Variants in NTM observed in about 807,000 individuals in gnomAD.
NTM encodes the protein IgLON family member 2.
NTM carries 13 observed loss-of-function variants against 42.1 expected under a neutral mutation model. The observed-to-expected ratio is 0.31, with a 90% CI of 0.20 to 0.49. NTM has a LOEUF of 0.49. Among genes scored for constraint, NTM ranks in the 20% least tolerant of loss-of-function variants. The probability of loss-of-function intolerance (pLI) is 0.99; values close to 1 mark genes in which losing one functional copy is unlikely to be tolerated. For synonymous variants in NTM, 187 were observed against 179.2 expected (o/e 1.04, Z -0.35); for missense variants, 373 against 452.8 (o/e 0.82, Z 1.60).
At chr11:131,775,728 T>C (rs1265824133) in intron 1 of NTM, among the ~76,000 whole-genome samples, 1 of 152,192 alleles carries the variant, frequency 6.6e-6, no homozygotes, top group African/African-American at 2.4e-5. Context: ...TGTATATACT[T>C]GGTATATTTA....
chr11:131,752,720 C>T lies in NTM; in HGVS notation c.83-158844C>T, dbSNP rs1458815155. ...AAGCTGAAACTGGATCCCTTCCTTA[C>T]ACCTTATACAAAAATTAATTCAAGA... is the stretch of plus-strand genomic sequence containing the variant. On this transcript the variant is annotated intron_variant, in intron 1 of 8. Coordinates refer to ENST00000683400, the MANE Select transcript of NTM (RefSeq NM_001352005.2). Among the ~76,000 whole-genome samples, 3 of 152,106 alleles carry T rather than the reference C, an allele frequency of 2.0e-5. No homozygotes were observed. In the East Asian group the frequency reaches 5.8e-4, roughly 29 times the overall value.
chr11:132,275,726 G>GTATATATATATGTA (rs1438604193), intron 4 of NTM, among the ~76,000 whole-genome samples: 10,173 of 71,358 alleles, frequency 0.14, 677 homozygotes, highest in Non-Finnish European at 0.19. Flanking sequence ...ATATATATAC[G>GTATATATATATGTA]TATATATACG....
intron 1 of NTM, among the ~76,000 whole-genome samples, chr11:131,426,963 G>A (rs918768427): frequency 5.3e-5 from 8 of 151,976 alleles, no homozygotes; most frequent in Non-Finnish European, 7.4e-5. Flanking sequence ...CCCCAAGTTG[G>A]TCTTTACCCC....
intron 1 of NTM, among the ~76,000 whole-genome samples, chr11:131,670,677 C>T (rs989076644): frequency 2.0e-5 from 3 of 152,186 alleles, no homozygotes; most frequent in African/African-American, 4.8e-5. Flanking sequence ...AGGGCTAGGA[C>T]TACTGTGTCC....
At chr11:131,487,885 T>C (rs1384958907) in intron 1 of NTM, among the ~76,000 whole-genome samples, 1 of 152,208 alleles carries the variant, frequency 6.6e-6, no homozygotes, top group Non-Finnish European at 1.5e-5. Flanking sequence ...AGGACCACTT[T>C]CTTTGTTCAG....
intron 1 of NTM, among the ~76,000 whole-genome samples, chr11:131,476,466 G>T (rs546531854): frequency 7.2e-4 from 109 of 152,300 alleles, no homozygotes; most frequent in African/African-American, 2.5e-3. Flanking sequence ...TCTGGAAGGG[G>T]GAAGAGAGGT....
chr11:132,077,613 T>A (rs2058533087), intron 2 of NTM, among the ~76,000 whole-genome samples: 1 of 152,340 alleles, frequency 6.6e-6, no homozygotes, highest in Admixed American at 6.5e-5. Context: ...CAAAGCTGTC[T>A]GACTGATAAG....
At chr11:131,389,275 G>A (rs944258449) in intron 1 of NTM, among the ~76,000 whole-genome samples, 1 of 152,196 alleles carries the variant, frequency 6.6e-6, no homozygotes, top group Non-Finnish European at 1.5e-5. Context: ...ACCTCAGAGG[G>A]TGGGACCTTG....
At chr11:132,134,760 T>G (rs996978609) in intron 2 of NTM, among the ~76,000 whole-genome samples, 12 of 123,780 alleles carry the variant, frequency 9.7e-5, no homozygotes, top group African/African-American at 3.5e-4. Context: ...TATATATATA[T>G]CTCACATTTT....
At chr11:132,007,627 G>A (rs1458759529) in intron 2 of NTM, among the ~76,000 whole-genome samples, 1 of 152,204 alleles carries the variant, frequency 6.6e-6, no homozygotes, top group Non-Finnish European at 1.5e-5. Flanking sequence ...CATCAGAGAA[G>A]CTTACTATTT....
chr11:131,424,251 A>G (rs949123986), intron 1 of NTM, among the ~76,000 whole-genome samples: 11 of 152,180 alleles, frequency 7.2e-5, no homozygotes, highest in African/African-American at 2.4e-4. Context: ...AAAATAGCAG[A>G]TGGGAAATCA....
At chr11:132,090,151 C>T (rs765527282) in intron 2 of NTM, among the ~76,000 whole-genome samples, 16 of 152,066 alleles carry the variant, frequency 1.1e-4, no homozygotes, top group South Asian at 6.2e-4. Context: ...TAAAAAGTGA[C>T]GGAATGAGAC....
intron 1 of NTM, among the ~76,000 whole-genome samples, chr11:131,451,972 T>G (rs1950521396): frequency 6.6e-6 from 1 of 152,130 alleles, no homozygotes; most frequent in Admixed American, 6.5e-5. Flanking sequence ...CGGCAAAGCC[T>G]GAGACACCCT....
chr11:131,921,163 G>T (rs761941038), intron 2 of NTM, among the ~76,000 whole-genome samples: 1 of 152,198 alleles, frequency 6.6e-6, no homozygotes, highest in Admixed American at 6.5e-5. Flanking sequence ...TTATATTGAT[G>T]TCCTAACCTC....
intron 2 of NTM, among the ~76,000 whole-genome samples, chr11:132,043,242 T>G (rs1449514313): frequency 6.6e-6 from 1 of 152,228 alleles, no homozygotes; most frequent in Non-Finnish European, 1.5e-5. Flanking sequence ...ACATGGTCAC[T>G]AAGGACCTGA....
chr11:131,976,016 C>A (rs570753110), intron 2 of NTM, among the ~76,000 whole-genome samples: 1 of 152,212 alleles, frequency 6.6e-6, no homozygotes, highest in South Asian at 2.1e-4. Flanking sequence ...GGTCTTGTTA[C>A]CTGCTCAAAA....
chr11:131,397,052 AG>A lies in NTM; in HGVS notation c.82+26165del, dbSNP rs1944641804. Among the ~76,000 whole-genome samples, 3 of 152,136 alleles carry A rather than the reference AG, an allele frequency of 2.0e-5. No homozygotes were observed. The South Asian group carries it at 6.2e-4, about 32-fold the overall frequency. On this transcript the variant is annotated intron_variant, in intron 1 of 8. Coordinates refer to ENST00000683400, the MANE Select transcript of NTM (RefSeq NM_001352005.2). ...AGTCACTCAGGAATAACTGGGAAAA[AG>A]TGGTCCTGTTTTGACCATCTGAGCT...
chr11:131,641,591 AG>A (rs1017752746), intron 1 of NTM, among the ~76,000 whole-genome samples: 19 of 152,210 alleles, frequency 1.2e-4, no homozygotes, highest in African/African-American at 4.1e-4. Flanking sequence ...GCCATTTCCA[AG>A]GGGGGGAAGC....
chr11:131,690,226 G>T (rs1565429433), intron 1 of NTM, among the ~76,000 whole-genome samples: 1 of 152,156 alleles, frequency 6.6e-6, no homozygotes, highest in African/African-American at 2.4e-5. Flanking sequence ...TGAACACCTT[G>T]GTGCAACTCA....
Sources: allele counts gnomAD v4.1 joint callset (sites outside exome capture counted in the v4.1 genomes callset), GRCh38; gene constraint gnomAD v4.1.1; transcripts MANE v1.5; gene names NCBI Gene and HGNC (gene_info 2026-07-23, HGNC 2026-07-21).